OLA1: variants seen among roughly 807,000 people sequenced by gnomAD.
OLA1 encodes obg-like ATPase 1.
A neutral mutation model predicts 48.4 loss-of-function variants in OLA1; 14 were observed. The ratio of observed to expected loss-of-function variants is 0.29; its 90% CI spans 0.19 to 0.45. The LOEUF is 0.45. Among genes scored for constraint, OLA1 ranks in the 20% least tolerant of loss-of-function variants. The pLI is 1.00. For missense variants in OLA1, 325 were observed against 467.1 expected (o/e 0.70, Z 2.80); for synonymous variants, 127 against 150.4 (o/e 0.84, Z 1.14).
At chr2:174,233,805 G>A (rs1688788062) in intron 2 of OLA1, among the ~76,000 whole-genome samples, 1 of 152,126 alleles carries the variant, frequency 6.6e-6, no homozygotes, top group Admixed American at 6.5e-5. Flanking sequence ...AAAACATTCA[G>A]AAACTGTCAA....
chr2:174,215,287 C>T (rs943668671), intron 4 of OLA1, among the ~76,000 whole-genome samples: 2 of 152,158 alleles, frequency 1.3e-5, no homozygotes, highest in Non-Finnish European at 2.9e-5. Flanking sequence ...CAGAATGTTA[C>T]GTTACTGTAT....
chr2:174,206,208 G>A (rs1441345779), intron 4 of OLA1, among the ~76,000 whole-genome samples: 2 of 152,060 alleles, frequency 1.3e-5, no homozygotes, highest in African/African-American at 4.8e-5. Context: ...AACTTATAAT[G>A]ACAGCATTCT....
At chr2:174,211,414 C>A (rs1362558754) in intron 4 of OLA1, among the ~76,000 whole-genome samples, 2 of 152,180 alleles carry the variant, frequency 1.3e-5, no homozygotes, top group South Asian at 4.1e-4. Context: ...GCTTAAAAAA[C>A]AAACATTTTA....
chr2:174,086,158 T>C (rs1684971969), intron 7 of OLA1, among the ~76,000 whole-genome samples: 1 of 152,200 alleles, frequency 6.6e-6, no homozygotes, highest in South Asian at 2.1e-4. Context: ...TTAGTGTTTC[T>C]GCACTAGGTT....
intron 7 of OLA1, among the ~76,000 whole-genome samples, chr2:174,098,575 C>T (rs532695867): frequency 1.3e-5 from 2 of 152,230 alleles, no homozygotes; most frequent in South Asian, 2.1e-4. Context: ...CCACAAGCAA[C>T]CTGTTTGCAA....
At chr2:174,099,546 A>G (rs944527578) in intron 7 of OLA1, among the ~76,000 whole-genome samples, 2 of 152,154 alleles carry the variant, frequency 1.3e-5, no homozygotes, top group Non-Finnish European at 2.9e-5. Context: ...GCTGTTTCAT[A>G]TACTCCATTC....
At chr2:174,181,116 C>A (rs1042826181) in intron 4 of OLA1, among the ~76,000 whole-genome samples, 2 of 151,440 alleles carry the variant, frequency 1.3e-5, no homozygotes, top group African/African-American at 4.9e-5. Context: ...TCTAGTATGG[C>A]AAAACAAATA....
chr2:174,205,423 T>C (rs1688090251), intron 4 of OLA1, among the ~76,000 whole-genome samples: 1 of 152,182 alleles, frequency 6.6e-6, no homozygotes, highest in African/African-American at 2.4e-5. Context: ...CCCAGAAATC[T>C]ATAAAGTAAT....
chr2:174,184,282 C>G (rs1687606122), intron 4 of OLA1, among the ~76,000 whole-genome samples: 3 of 152,034 alleles, frequency 2.0e-5, no homozygotes, highest in African/African-American at 7.2e-5. Context: ...CTTAACCAAG[C>G]AAGGAAGATC....
intron 7 of OLA1, among the ~76,000 whole-genome samples, chr2:174,112,860 A>G (rs1685685689): frequency 6.6e-6 from 1 of 152,216 alleles, no homozygotes; most frequent in South Asian, 2.1e-4. Context: ...TTACAGCAGC[A>G]GAAAACAAAC....
chr2:174,247,695 T>C, intron 1 of OLA1: 1 of 1,551,072 alleles, frequency 6.4e-7, no homozygotes, highest in Non-Finnish European at 8.7e-7. Flanking sequence ...TTCCACCAAG[T>C]CCCTCCCACC....
intron 4 of OLA1, among the ~76,000 whole-genome samples, chr2:174,186,696 C>T (rs10803882): frequency 0.95 from 144,877 of 152,146 alleles, 69,385 homozygotes; most frequent in East Asian, 1. Flanking sequence ...CTGTGCTCTG[C>T]GGTGTAAAAA....
At chr2:174,114,393 A>G (rs1423543207) in intron 7 of OLA1, among the ~76,000 whole-genome samples, 2 of 148,702 alleles carry the variant, frequency 1.3e-5, no homozygotes, top group Admixed American at 6.7e-5. Flanking sequence ...ATTATATTAA[A>G]TGGAGGAAGC....
At chr2:174,088,182 G>C (rs1286436163) in intron 7 of OLA1, among the ~76,000 whole-genome samples, 1 of 152,176 alleles carries the variant, frequency 6.6e-6, no homozygotes, top group East Asian at 1.9e-4. Context: ...TTAAGGACTT[G>C]GCTTTTACTA....
At chr2:174,075,806 C>T (rs1338396077) in intron 10 of OLA1, among the ~76,000 whole-genome samples, 1 of 152,154 alleles carries the variant, frequency 6.6e-6, no homozygotes, top group Non-Finnish European at 1.5e-5. Context: ...CATTAAGTTT[C>T]ATTACACGCT....
At chr2:174,206,444 C>T (rs1040660424) in intron 4 of OLA1, among the ~76,000 whole-genome samples, 2 of 152,100 alleles carry the variant, frequency 1.3e-5, no homozygotes, top group Admixed American at 6.5e-5. Context: ...AGAAGTTGCC[C>T]TCACATCCCT....
chr2:174,144,035 G>C (rs963202174), intron 4 of OLA1, among the ~76,000 whole-genome samples: 4 of 152,082 alleles, frequency 2.6e-5, no homozygotes, highest in African/African-American at 7.2e-5. Context: ...GGTCAGGAGT[G>C]AGCTGTAACA....
chr2:174,109,881 G>A (rs376949484), intron 7 of OLA1, among the ~76,000 whole-genome samples: 1 of 152,004 alleles, frequency 6.6e-6, no homozygotes, highest in East Asian at 1.9e-4. Context: ...CACATCACAG[G>A]CTTTTTTTGT....
chr2:174,080,219 C>T (rs537206401), intron 9 of OLA1, among the ~76,000 whole-genome samples: 1 of 151,846 alleles, frequency 6.6e-6, no homozygotes, highest in East Asian at 1.9e-4. Flanking sequence ...ATGTTAACTG[C>T]CTCCATGTTT....
Sources: gnomAD v4.1 joint callset for allele counts (sites outside exome capture counted in the v4.1 genomes callset) on GRCh38, gnomAD v4.1.1 for gene constraint, MANE v1.5 for transcripts, NCBI Gene and HGNC (gene_info 2026-07-23, HGNC 2026-07-21) for gene names.